The following HS3ST4 variants were observed in gnomAD, a reference collection of about 807,000 sequenced individuals.
The protein encoded by HS3ST4 is heparan sulfate glucosamine 3-O-sulfotransferase 4.
A neutral mutation model predicts 29.2 loss-of-function variants in HS3ST4; 17 were observed. That is an observed-to-expected ratio of 0.58 (90% CI 0.40 to 0.87). The LOEUF (loss-of-function observed/expected upper bound fraction) is 0.87, where lower values mean the gene tolerates loss of function less well. Among genes scored for constraint, HS3ST4 ranks in the 40% least tolerant of loss-of-function variants. The pLI is 0.00. For missense variants in HS3ST4, 627 were observed against 634.5 expected (o/e 0.99, Z 0.13); for synonymous variants, 314 against 285.7 (o/e 1.10, Z -1.00).
chr16:25,954,559 T>C (rs1407748199), intron 1 of HS3ST4, among the ~76,000 whole-genome samples: 7 of 152,228 alleles, frequency 4.6e-5, no homozygotes, highest in African/African-American at 7.2e-5. Flanking sequence ...GATGTCTGAT[T>C]CCAGTTTCCC....
intron 1 of HS3ST4, among the ~76,000 whole-genome samples, chr16:26,050,086 G>T (rs946194466): frequency 6.6e-6 from 1 of 152,232 alleles, no homozygotes; most frequent in African/African-American, 2.4e-5. Context: ...TTAATCTTCT[G>T]CCCTCTCCCC....
intron 1 of HS3ST4, among the ~76,000 whole-genome samples, chr16:25,981,373 G>T (rs930282200): frequency 4.6e-5 from 7 of 152,020 alleles, no homozygotes; most frequent in Admixed American, 3.9e-4. Context: ...CAGGGATTTG[G>T]GTTTGGAATT....
chr16:26,009,895 G>A (rs1002492378), intron 1 of HS3ST4, among the ~76,000 whole-genome samples: 1 of 152,182 alleles, frequency 6.6e-6, no homozygotes, highest in Non-Finnish European at 1.5e-5. Context: ...TGAATGAACT[G>A]CAGTCACCGA....
At chr16:25,863,266 T>C (rs1967657381) in intron 1 of HS3ST4, among the ~76,000 whole-genome samples, 1 of 152,104 alleles carries the variant, frequency 6.6e-6, no homozygotes, top group Admixed American at 6.6e-5. Flanking sequence ...CTATTTTAAG[T>C]AGAGCGGGGT....
At chr16:26,001,773 T>G (rs1596640699) in intron 1 of HS3ST4, among the ~76,000 whole-genome samples, 1 of 152,226 alleles carries the variant, frequency 6.6e-6, no homozygotes, top group African/African-American at 2.4e-5. Context: ...GCTCTGAAGT[T>G]TCAGTGTCTT....
chr16:25,990,360 T>A (rs2141727889), intron 1 of HS3ST4, among the ~76,000 whole-genome samples: 1 of 152,292 alleles, frequency 6.6e-6, no homozygotes, highest in Middle Eastern at 3.4e-3. Flanking sequence ...ACTCCACCAT[T>A]TTGCATTCCC....
At chr16:25,985,775 C>T (rs955703043) in intron 1 of HS3ST4, among the ~76,000 whole-genome samples, 2 of 152,002 alleles carry the variant, frequency 1.3e-5, no homozygotes, top group Admixed American at 6.6e-5. Flanking sequence ...CAGCCTCAAC[C>T]GCTGGGCTCA....
chr16:26,112,233 AGT>A (rs745655766), intron 1 of HS3ST4, among the ~76,000 whole-genome samples: 2,088 of 115,260 alleles, frequency 0.018, 47 homozygotes, highest in African/African-American at 0.061. Context: ...ACCATGCTCG[AGT>A]GTGTGTGTGT....
chr16:25,857,418 A>G (rs1967584495), intron 1 of HS3ST4, among the ~76,000 whole-genome samples: 6 of 152,164 alleles, frequency 3.9e-5, no homozygotes, highest in Admixed American at 1.3e-4. Flanking sequence ...AGGTCTTTAC[A>G]TGCTGTAACT....
intron 1 of HS3ST4, among the ~76,000 whole-genome samples, chr16:25,912,590 G>A (rs942713005): frequency 1.3e-5 from 2 of 152,172 alleles, no homozygotes; most frequent in Non-Finnish European, 2.9e-5. Flanking sequence ...AGTGAAAGTA[G>A]GAACCAGGTC....
intron 1 of HS3ST4, among the ~76,000 whole-genome samples, chr16:25,705,669 A>C (rs1430415244): frequency 6.6e-6 from 1 of 152,214 alleles, no homozygotes; most frequent in Non-Finnish European, 1.5e-5. Flanking sequence ...TCCCAAAAAA[A>C]AATAAAAATA....
At chr16:26,065,381 C>G (rs1398057689) in intron 1 of HS3ST4, among the ~76,000 whole-genome samples, 1 of 152,178 alleles carries the variant, frequency 6.6e-6, no homozygotes, top group East Asian at 1.9e-4. Context: ...GACAGAAAAC[C>G]AAATACCATA....
intron 1 of HS3ST4, among the ~76,000 whole-genome samples, chr16:25,801,818 CAT>C (rs1259452657): frequency 2.0e-5 from 3 of 152,020 alleles, no homozygotes; most frequent in African/African-American, 7.2e-5. Flanking sequence ...TACAACCTAT[CAT>C]ATAATTTTGT....
At chr16:26,054,050 G>A (rs962782093) in intron 1 of HS3ST4, among the ~76,000 whole-genome samples, 1 of 152,098 alleles carries the variant, frequency 6.6e-6, no homozygotes, top group African/African-American at 2.4e-5. Flanking sequence ...AGTGATACAC[G>A]TCACTTCCTC....
intron 1 of HS3ST4, among the ~76,000 whole-genome samples, chr16:26,103,228 T>A (rs1323486168): frequency 2.0e-5 from 3 of 152,086 alleles, no homozygotes; most frequent in African/African-American, 7.2e-5. Context: ...AACAATAAGG[T>A]AAAGAAGGTG....
chr16:26,064,837 G>A (rs543266582), intron 1 of HS3ST4, among the ~76,000 whole-genome samples: 12 of 152,062 alleles, frequency 7.9e-5, no homozygotes, highest in South Asian at 4.2e-4. Context: ...GGCTGGTCTC[G>A]AACTCCCAAC....
At chr16:25,917,198 C>T (rs553184191) in intron 1 of HS3ST4, among the ~76,000 whole-genome samples, 1 of 152,186 alleles carries the variant, frequency 6.6e-6, no homozygotes, top group African/African-American at 2.4e-5. Context: ...TCTATTATCA[C>T]TCTTTCTATT....
At chr16:25,771,172 A>G (rs914416542) in intron 1 of HS3ST4, among the ~76,000 whole-genome samples, 4 of 151,926 alleles carry the variant, frequency 2.6e-5, no homozygotes, top group African/African-American at 9.7e-5. Context: ...CCAGTATGTG[A>G]TGTTCCCCTC....
At chr16:25,941,418 C>A (rs1373596916) in intron 1 of HS3ST4, among the ~76,000 whole-genome samples, 1 of 152,000 alleles carries the variant, frequency 6.6e-6, no homozygotes, top group Non-Finnish European at 1.5e-5. Context: ...CTTGGCCACC[C>A]GAAGTGCTAG....
Sources: allele counts gnomAD v4.1 joint callset (sites outside exome capture counted in the v4.1 genomes callset), GRCh38; gene constraint gnomAD v4.1.1; transcripts MANE v1.5; gene names NCBI Gene and HGNC (gene_info 2026-07-23, HGNC 2026-07-21).